Variants in SLC24A3 observed in about 807,000 individuals in gnomAD.
The protein encoded by SLC24A3 is sodium/potassium/calcium exchanger 3.
Under a neutral mutation model 75.8 loss-of-function variants are expected in SLC24A3, and 28 were observed. The ratio of observed to expected loss-of-function variants is 0.37; its 90% CI spans 0.27 to 0.51. SLC24A3 has a LOEUF of 0.51. Ranked by LOEUF, SLC24A3 falls within the 20% of genes least tolerant of loss-of-function variation. The pLI is 0.94. For missense variants in SLC24A3, 663 were observed against 847.8 expected (o/e 0.78, Z 2.71); for synonymous variants, 372 against 334.1 (o/e 1.11, Z -1.24).
intron 1 of SLC24A3, among the ~76,000 whole-genome samples, chr20:19,259,836 TC>T (rs1355932086): frequency 1.3e-5 from 2 of 152,240 alleles, no homozygotes; most frequent in Non-Finnish European, 2.9e-5. Flanking sequence ...TATAGTTTTT[TC>T]CCCCTGTGCT....
At position 19,389,502 on chromosome 20, in the gene SLC24A3, G is replaced by A. The variant is rs139476513; in HGVS notation, c.271+108415G>A. On this transcript the variant is annotated intron_variant, in intron 2 of 16. Coordinates refer to ENST00000328041, the MANE Select transcript of SLC24A3 (RefSeq NM_020689.4). ...TTGCAGGTTATAATATTCTTGGTTA[G>A]CAGGGTTTTGTTTTTTTTTTCTTCT... Among the ~76,000 whole-genome samples, 513 of 151,842 alleles carry A rather than the reference G, an allele frequency of 3.4e-3. 4 individuals carry two copies. Among genetic ancestry groups the A allele is most frequent in the African/African-American group, 0.012 (490 of 41,388 alleles).
At chr20:19,487,964 T>A (rs1011232214) in intron 2 of SLC24A3, among the ~76,000 whole-genome samples, 8 of 152,236 alleles carry the variant, frequency 5.3e-5, no homozygotes, top group African/African-American at 1.9e-4. Context: ...TGGGTTGTTT[T>A]CTTCTTCAAT....
intron 6 of SLC24A3, among the ~76,000 whole-genome samples, chr20:19,645,631 C>G (rs1428238420): frequency 2.6e-5 from 4 of 152,104 alleles, no homozygotes; most frequent in African/African-American, 9.7e-5. Flanking sequence ...CAGATTTTTC[C>G]AAGAGAAACC....
intron 6 of SLC24A3, among the ~76,000 whole-genome samples, chr20:19,590,303 C>T (rs1324279499): frequency 2.0e-5 from 3 of 151,972 alleles, no homozygotes; most frequent in South Asian, 2.1e-4. Context: ...ATAAACACAG[C>T]GGGACACCCA....
At chr20:19,652,103 C>G (rs1403281782) in intron 6 of SLC24A3, among the ~76,000 whole-genome samples, 1 of 152,152 alleles carries the variant, frequency 6.6e-6, no homozygotes, top group African/African-American at 2.4e-5. Context: ...TATCTTTATT[C>G]TAACTTTTAG....
intron 2 of SLC24A3, among the ~76,000 whole-genome samples, chr20:19,511,162 C>G (rs1988529733): frequency 6.6e-6 from 1 of 152,104 alleles, no homozygotes; most frequent in Non-Finnish European, 1.5e-5. Context: ...CCTCATCTCT[C>G]CACCCTGCTC....
chr20:19,333,349 C>T (rs1479175799), intron 2 of SLC24A3, among the ~76,000 whole-genome samples: 1 of 152,134 alleles, frequency 6.6e-6, no homozygotes, highest in African/African-American at 2.4e-5. Flanking sequence ...TTCATTACAA[C>T]CAGGGTGCTC....
chr20:19,402,088 G>A (rs1986561664), intron 2 of SLC24A3, among the ~76,000 whole-genome samples: 2 of 152,160 alleles, frequency 1.3e-5, no homozygotes, highest in South Asian at 4.2e-4. Flanking sequence ...ACAAGTTTCA[G>A]GAAAGGAAGA....
At chr20:19,574,426 C>T (rs529139009) in intron 3 of SLC24A3, among the ~76,000 whole-genome samples, 1 of 152,340 alleles carries the variant, frequency 6.6e-6, no homozygotes, top group South Asian at 2.1e-4. Context: ...ACTTCAGTGA[C>T]ATACAATAAA....
At chr20:19,574,296 G>A (rs6046185) in intron 3 of SLC24A3, among the ~76,000 whole-genome samples, 87,781 of 152,076 alleles carry the variant, frequency 0.58, 26,953 homozygotes, top group Non-Finnish European at 0.67. Context: ...GAAGTTACTC[G>A]TTATTGTTTT....
At chr20:19,245,458 A>G (rs952645795) in intron 1 of SLC24A3, among the ~76,000 whole-genome samples, 2 of 152,168 alleles carry the variant, frequency 1.3e-5, no homozygotes, top group Non-Finnish European at 2.9e-5. Flanking sequence ...GGTCAGAATT[A>G]TGACATTTTA....
At chr20:19,678,521 C>A (rs1159591171) in intron 9 of SLC24A3, among the ~76,000 whole-genome samples, 7 of 140,194 alleles carry the variant, frequency 5.0e-5, no homozygotes, top group Non-Finnish European at 1.1e-4. Flanking sequence ...GGCTGACCCC[C>A]CAACCTCCCT....
chr20:19,322,026 A>G (rs867367149), intron 2 of SLC24A3, among the ~76,000 whole-genome samples: 25 of 152,264 alleles, frequency 1.6e-4, no homozygotes, highest in Middle Eastern at 3.4e-3. Context: ...CATCTTTGAC[A>G]TCAGGGGTGC....
intron 11 of SLC24A3, 40 bp downstream of exon 11, chr20:19,684,376 G>C: frequency 6.3e-7 from 1 of 1,582,340 alleles, no homozygotes; most frequent in African/African-American, 1.3e-5. Context: ...CTGGACAGGG[G>C]TGGGAAACTC....
chr20:19,505,808 T>G (rs1568637353), intron 2 of SLC24A3, among the ~76,000 whole-genome samples: 1 of 152,204 alleles, frequency 6.6e-6, no homozygotes, highest in Non-Finnish European at 1.5e-5. Flanking sequence ...AGGGGAACCT[T>G]TCTCAGCTCT....
intron 2 of SLC24A3, among the ~76,000 whole-genome samples, chr20:19,362,701 A>G (rs1214613345): frequency 6.6e-6 from 1 of 152,152 alleles, no homozygotes; most frequent in Non-Finnish European, 1.5e-5. Context: ...GGAGGACTTG[A>G]ACCGACGTCT....
intron 2 of SLC24A3, among the ~76,000 whole-genome samples, chr20:19,303,452 A>G (rs926560198): frequency 6.6e-6 from 1 of 152,162 alleles, no homozygotes; most frequent in Non-Finnish European, 1.5e-5. Flanking sequence ...TGCTATTGTG[A>G]ATAGTGCTGC....
At chr20:19,271,614 A>G (rs1278503362) in intron 1 of SLC24A3, among the ~76,000 whole-genome samples, 1 of 152,256 alleles carries the variant, frequency 6.6e-6, no homozygotes, top group East Asian at 1.9e-4. Flanking sequence ...ATGAGTGGAT[A>G]AAGAAAATAT....
chr20:19,342,816 A>G (rs1985299065), intron 2 of SLC24A3, among the ~76,000 whole-genome samples: 1 of 152,176 alleles, frequency 6.6e-6, no homozygotes, highest in African/African-American at 2.4e-5. Context: ...CACGCCTGTA[A>G]TCCTAGCACT....
Sources: gnomAD v4.1 joint callset for allele counts (sites outside exome capture counted in the v4.1 genomes callset) on GRCh38, gnomAD v4.1.1 for gene constraint, MANE v1.5 for transcripts, NCBI Gene and HGNC (gene_info 2026-07-23, HGNC 2026-07-21) for gene names.